The following SLC25A21 variants were observed in gnomAD, a reference collection of about 807,000 sequenced individuals.
SLC25A21 encodes solute carrier family 25 member 21, also known as mitochondrial 2-oxodicarboxylate carrier.
A neutral mutation model predicts 43.8 loss-of-function variants in SLC25A21; 47 were observed. That is an observed-to-expected ratio of 1.07 (90% CI 0.85 to 1.37). The LOEUF is 1.37. Among genes scored for constraint, SLC25A21 ranks in the 40% most tolerant of loss-of-function variants. The pLI is 0.00. For missense variants in SLC25A21, 352 were observed against 350.2 expected, an observed-to-expected ratio of 1.00 and a Z score of -0.04; for synonymous variants, 131 against 121.3, an observed-to-expected ratio of 1.08 and a Z score of -0.52.
At chr14:36,682,447 C>T (rs1313640189) in intron 9 of SLC25A21, among the ~76,000 whole-genome samples, 1 of 152,148 alleles carries the variant, frequency 6.6e-6, no homozygotes, top group Admixed American at 6.5e-5. Flanking sequence ...ATTTAAAAAG[C>T]CAGCCAAACA....
intron 1 of SLC25A21, among the ~76,000 whole-genome samples, chr14:37,138,907 G>A (rs1455900427): frequency 6.6e-6 from 1 of 152,022 alleles, no homozygotes; most frequent in Non-Finnish European, 1.5e-5. Context: ...TAAATGATAT[G>A]GTAAATTTGC....
At chr14:36,909,294 A>G (rs924012653) in intron 1 of SLC25A21, among the ~76,000 whole-genome samples, 7 of 152,180 alleles carry the variant, frequency 4.6e-5, no homozygotes, top group African/African-American at 1.7e-4. Context: ...GCAGCCTTGC[A>G]AGGGGATGAG....
At chr14:37,034,365 A>G (rs939205924) in intron 1 of SLC25A21, among the ~76,000 whole-genome samples, 1 of 152,026 alleles carries the variant, frequency 6.6e-6, no homozygotes, top group South Asian at 2.1e-4. Flanking sequence ...AAAGGATGAA[A>G]CTCTTTGGAT....
intron 3 of SLC25A21, among the ~76,000 whole-genome samples, chr14:36,783,517 G>C (rs540910935): frequency 6.6e-6 from 1 of 152,230 alleles, no homozygotes; most frequent in South Asian, 2.1e-4. Flanking sequence ...CAAGAAAGAG[G>C]TTGGCCTCCT....
In SLC25A21 at chr14:36,680,116, T is replaced by TAAAC. The variant is rs1882150761; in HGVS notation, c.*538_*541dup. ...CATTTTAACATAGTATTCATAAAATTAAACATTCTTAAAAGGTCATTTTAG... is the reference window on the plus strand; with the variant it reads ...CATTTTAACATAGTATTCATAAAATTAAACAAACATTCTTAAAAGGTCATTTTAG... On this transcript the variant is annotated 3_prime_UTR_variant, in exon 10 of 10. Coordinates refer to ENST00000331299, the MANE Select transcript of SLC25A21 (RefSeq NM_030631.4). 1 of 876,508 alleles carries TAAAC rather than the reference T, an allele frequency of 1.1e-6. No individual in the cohort carries two copies. Among genetic ancestry groups the TAAAC allele is most frequent in the Non-Finnish European group, 1.4e-6 (1 of 731,792 alleles). 54.3% of individuals were successfully genotyped at this position (876,508 alleles called of 1,614,324 possible).
At chr14:37,003,634 T>A (rs1235329808) in intron 1 of SLC25A21, among the ~76,000 whole-genome samples, 1 of 152,188 alleles carries the variant, frequency 6.6e-6, no homozygotes, top group African/African-American at 2.4e-5. Context: ...ATAGACATCA[T>A]GTTGAGCAAA....
At chr14:36,948,417 T>G (rs1456914941) in intron 1 of SLC25A21, among the ~76,000 whole-genome samples, 1 of 152,188 alleles carries the variant, frequency 6.6e-6, no homozygotes, top group Non-Finnish European at 1.5e-5. Context: ...TAGTTTGGCA[T>G]AGCTAACAAG....
chr14:36,715,688 A>G (rs114882372), intron 6 of SLC25A21, among the ~76,000 whole-genome samples: 243 of 152,364 alleles, frequency 1.6e-3, no homozygotes, highest in Middle Eastern at 6.8e-3. Context: ...TAATTTTTAC[A>G]TGAAGGGATA....
At chr14:37,137,978 G>C (rs147722342) in intron 1 of SLC25A21, among the ~76,000 whole-genome samples, 279 of 152,240 alleles carry the variant, frequency 1.8e-3, no homozygotes, top group African/African-American at 5.9e-3. Flanking sequence ...TGCCTTTAAA[G>C]TGCTTTTACT....
chr14:36,720,439 T>C (rs943338917), intron 6 of SLC25A21, among the ~76,000 whole-genome samples: 2 of 152,242 alleles, frequency 1.3e-5, no homozygotes, highest in Non-Finnish European at 2.9e-5. Flanking sequence ...ACAGCAGACA[T>C]GCTGCCTGAG....
intron 1 of SLC25A21, among the ~76,000 whole-genome samples, chr14:37,105,143 G>A (rs148191544): frequency 1.2e-3 from 185 of 152,258 alleles, no homozygotes; most frequent in Non-Finnish European, 2.0e-3. Context: ...TGAATGAACA[G>A]CAGAGGCAGA....
intron 1 of SLC25A21, among the ~76,000 whole-genome samples, chr14:36,997,605 G>A (rs940062766): frequency 6.6e-6 from 1 of 152,132 alleles, no homozygotes; most frequent in Non-Finnish European, 1.5e-5. Flanking sequence ...GAGGTGGGTA[G>A]ATCACCTGAA....
At chr14:36,751,408 T>C (rs1474775245) in intron 3 of SLC25A21, among the ~76,000 whole-genome samples, 1 of 152,224 alleles carries the variant, frequency 6.6e-6, no homozygotes, top group Non-Finnish European at 1.5e-5. Flanking sequence ...GAAGTCAGGC[T>C]TCTCTGGTGT....
At chr14:36,925,938 T>G (rs1372859362) in intron 1 of SLC25A21, among the ~76,000 whole-genome samples, 1 of 151,970 alleles carries the variant, frequency 6.6e-6, no homozygotes, top group Non-Finnish European at 1.5e-5. Context: ...AACCCACAAA[T>G]ACAGTTGTCA....
chr14:36,883,909 C>G (rs57030382), intron 1 of SLC25A21, among the ~76,000 whole-genome samples: 1 of 151,918 alleles, frequency 6.6e-6, no homozygotes, highest in Admixed American at 6.6e-5. Context: ...TAAATATACA[C>G]GTATACATTG....
intron 1 of SLC25A21, among the ~76,000 whole-genome samples, chr14:37,135,253 G>T (rs1157956445): frequency 1.3e-5 from 2 of 151,386 alleles, no homozygotes; most frequent in Non-Finnish European, 2.9e-5. Context: ...TTTAAAATTA[G>T]CTGGGAATGG....
At chr14:36,956,298 T>C (rs1959339936) in intron 1 of SLC25A21, among the ~76,000 whole-genome samples, 1 of 152,164 alleles carries the variant, frequency 6.6e-6, no homozygotes, top group Non-Finnish European at 1.5e-5. Context: ...GGTGACAAAA[T>C]AGAACTTTAT....
chr14:37,123,360 T>C (rs776437494), intron 1 of SLC25A21, among the ~76,000 whole-genome samples: 11 of 152,112 alleles, frequency 7.2e-5, no homozygotes, highest in Non-Finnish European at 1.3e-4. Flanking sequence ...GAAAAGAACG[T>C]TCAGATCTAC....
intron 1 of SLC25A21, among the ~76,000 whole-genome samples, chr14:37,046,932 T>A (rs999181791): frequency 3.3e-5 from 5 of 152,192 alleles, no homozygotes; most frequent in African/African-American, 9.6e-5. Flanking sequence ...CTGTCTTAAA[T>A]ACAAACCAAA....
Sources: allele counts gnomAD v4.1 joint callset (sites outside exome capture counted in the v4.1 genomes callset), GRCh38; gene constraint gnomAD v4.1.1; transcripts MANE v1.5; gene names NCBI Gene and HGNC (gene_info 2026-07-23, HGNC 2026-07-21).